Variants in PATJ observed in about 807,000 individuals in gnomAD.
The protein encoded by PATJ is inaD-like protein.
PATJ carries 190 observed loss-of-function variants against 224.9 expected under a neutral mutation model. The ratio of observed to expected loss-of-function variants is 0.84; its 90% CI spans 0.75 to 0.95. The LOEUF (loss-of-function observed/expected upper bound fraction) is 0.95, where lower values mean the gene tolerates loss of function less well. Ranked by LOEUF, PATJ falls within the 40% of genes least tolerant of loss-of-function variation. The probability of loss-of-function intolerance (pLI) is 0.00; values close to 1 mark genes in which losing one functional copy is unlikely to be tolerated. For missense variants in PATJ, 2,121 were observed against 2,270.3 expected (o/e 0.93, Z 1.34); for synonymous variants, 769 against 820.3 (o/e 0.94, Z 1.07).
chr1:62,077,409 C>T (rs1658480136), intron 31 of PATJ, among the ~76,000 whole-genome samples: 1 of 152,042 alleles, frequency 6.6e-6, no homozygotes, highest in South Asian at 2.1e-4. Flanking sequence ...CTGATAGTGG[C>T]GGGGCACAGT....
chr1:62,073,892 C>T (rs1380145093), intron 31 of PATJ, among the ~76,000 whole-genome samples: 1 of 152,086 alleles, frequency 6.6e-6, no homozygotes, highest in Non-Finnish European at 1.5e-5. Flanking sequence ...GGAAGAATTT[C>T]TATAAAATAA....
chr1:62,047,414 G>T (rs537188265), intron 30 of PATJ, among the ~76,000 whole-genome samples: 2 of 138,080 alleles, frequency 1.4e-5, no homozygotes, highest in African/African-American at 2.5e-5. Flanking sequence ...CCACCACCAC[G>T]CCTGGCTAAT....
chr1:62,023,558 A>G (rs1440502920), intron 29 of PATJ, among the ~76,000 whole-genome samples: 1 of 152,216 alleles, frequency 6.6e-6, no homozygotes, highest in Admixed American at 6.5e-5. Context: ...GTGATGCTAT[A>G]GGGACATATA....
At chr1:62,053,472 C>T (rs1007607588) in intron 31 of PATJ, among the ~76,000 whole-genome samples, 1 of 152,158 alleles carries the variant, frequency 6.6e-6, no homozygotes, top group African/African-American at 2.4e-5. Context: ...GTAATCCCAG[C>T]ACTGTGGGAG....
chr1:61,962,134 C>G (rs528072948), intron 27 of PATJ, among the ~76,000 whole-genome samples: 5 of 151,950 alleles, frequency 3.3e-5, no homozygotes, highest in Non-Finnish European at 5.9e-5. Context: ...TTGTTGGTTC[C>G]TCTATTATTT....
At chr1:61,885,417 C>T (rs1668675347) in intron 22 of PATJ, among the ~76,000 whole-genome samples, 1 of 152,236 alleles carries the variant, frequency 6.6e-6, no homozygotes, top group East Asian at 1.9e-4. Flanking sequence ...AGCCAAAAGA[C>T]ACGAAAAAAT....
chr1:61,945,022 A>G (rs1393105936), intron 27 of PATJ, among the ~76,000 whole-genome samples: 17 of 152,310 alleles, frequency 1.1e-4, no homozygotes, highest in African/African-American at 4.1e-4. Context: ...AGACAAACAA[A>G]TGCTAAGAGA....
chr1:62,034,442 CAAAAAA>C (rs58542108), intron 29 of PATJ, among the ~76,000 whole-genome samples: 1 of 100,228 alleles, frequency 1.0e-5, no homozygotes, highest in East Asian at 3.5e-4. Context: ...GACTCTGTCT[CAAAAAA>C]AAAAAAAAAA....
At chr1:62,124,127 G>C (rs1558201924) in intron 39 of PATJ, among the ~76,000 whole-genome samples, 1 of 151,832 alleles carries the variant, frequency 6.6e-6, no homozygotes, top group Non-Finnish European at 1.5e-5. Flanking sequence ...GTGTTGCCCA[G>C]GCTGGAATGC....
At chr1:62,025,913 A>G (rs1647793859) in intron 29 of PATJ, among the ~76,000 whole-genome samples, 1 of 151,340 alleles carries the variant, frequency 6.6e-6, no homozygotes. Context: ...CCCCACATCA[A>G]CTCCCCTGCC....
At chr1:61,915,758 G>A (rs1193442385) in intron 26 of PATJ, among the ~76,000 whole-genome samples, 8 of 150,846 alleles carry the variant, frequency 5.3e-5, no homozygotes, top group South Asian at 2.1e-4. Context: ...GTGCAGTGGC[G>A]TGATCTTGGC....
intron 20 of PATJ, among the ~76,000 whole-genome samples, chr1:61,874,190 T>TTATG (rs1355923526): frequency 6.7e-6 from 1 of 148,390 alleles, no homozygotes; most frequent in Non-Finnish European, 1.5e-5. Context: ...ATTTATTTAT[T>TTATG]TATTTATTTA....
intron 27 of PATJ, among the ~76,000 whole-genome samples, chr1:61,954,725 T>C (rs1380440001): frequency 6.6e-6 from 1 of 151,878 alleles, no homozygotes; most frequent in African/African-American, 2.4e-5. Flanking sequence ...TTTATCTTTT[T>C]CTTACATTTA....
chr1:61,913,797 A>G (rs1332641357), intron 25 of PATJ, among the ~76,000 whole-genome samples: 2 of 152,240 alleles, frequency 1.3e-5, no homozygotes, highest in East Asian at 3.8e-4. Flanking sequence ...GGGAGATAAC[A>G]TGCTTGAACT....
At chr1:61,795,060 T>A (rs1185744492) in intron 9 of PATJ, among the ~76,000 whole-genome samples, 1 of 127,854 alleles carries the variant, frequency 7.8e-6, no homozygotes, top group Admixed American at 9.7e-5. Flanking sequence ...GATCTAAATA[T>A]AGGCAGGAAG....
intron 17 of PATJ, among the ~76,000 whole-genome samples, chr1:61,844,434 C>G (rs916878337): frequency 6.6e-6 from 1 of 152,148 alleles, no homozygotes; most frequent in African/African-American, 2.4e-5. Flanking sequence ...GGTTTAATAG[C>G]TAACAATTAC....
intron 27 of PATJ, among the ~76,000 whole-genome samples, chr1:61,978,429 C>A (rs1335071801): frequency 6.6e-6 from 1 of 151,864 alleles, no homozygotes; most frequent in African/African-American, 2.4e-5. Flanking sequence ...CCATGCCCAG[C>A]TAATTTTGTA....
intron 17 of PATJ, among the ~76,000 whole-genome samples, chr1:61,849,502 A>AG (rs1026248682): frequency 6.6e-6 from 1 of 152,108 alleles, no homozygotes; most frequent in African/African-American, 2.4e-5. Flanking sequence ...CTGAGGTGGG[A>AG]GGAGCACTTA....
At chr1:62,114,506 C>T in intron 35 of PATJ, 1 of 326,310 alleles carries the variant, frequency 3.1e-6, no homozygotes. Flanking sequence ...AAGGTTCTTT[C>T]ACTTGGAATT....
Sources: allele counts gnomAD v4.1 joint callset (sites outside exome capture counted in the v4.1 genomes callset), GRCh38; gene constraint gnomAD v4.1.1; transcripts MANE v1.5; gene names NCBI Gene and HGNC (gene_info 2026-07-23, HGNC 2026-07-21).